Variants in GAS2 observed in about 807,000 individuals in gnomAD.
GAS2 encodes growth arrest specific 2, also known as growth arrest-specific protein 2.
In GAS2, 20 loss-of-function variants were observed where a neutral mutation model predicts 37.5. The ratio of observed to expected loss-of-function variants is 0.53; its 90% CI spans 0.37 to 0.77. GAS2 has a LOEUF of 0.77. Ranked by LOEUF, GAS2 falls within the 30% of genes least tolerant of loss-of-function variation. The pLI is 0.00. For missense variants in GAS2, 336 were observed against 373.4 expected, an observed-to-expected ratio of 0.90 and a Z score of 0.82; for synonymous variants, 144 against 132.2, an observed-to-expected ratio of 1.09 and a Z score of -0.61.
intron 3 of GAS2, among the ~76,000 whole-genome samples, chr11:22,714,733 C>T (rs923376744): frequency 6.6e-6 from 1 of 152,214 alleles, no homozygotes; most frequent in East Asian, 1.9e-4. Context: ...TATACAAATA[C>T]ATGGAAATTA....
intron 5 of GAS2, 80 bp from the exon 6 acceptor site, chr11:22,749,040 G>C (rs1853573166): frequency 7.7e-7 from 1 of 1,301,008 alleles, no homozygotes; most frequent in African/African-American, 1.5e-5. Flanking sequence ...TACTCCCATG[G>C]TGCTCATCAT....
intron 5 of GAS2, among the ~76,000 whole-genome samples, chr11:22,747,498 G>A (rs193152375): frequency 7.6e-4 from 115 of 152,250 alleles, no homozygotes; most frequent in Admixed American, 1.6e-3. Flanking sequence ...GGGCTCACTA[G>A]ACTGTTTTGT....
intron 4 of GAS2, among the ~76,000 whole-genome samples, chr11:22,734,446 A>G (rs963212111): frequency 2.0e-5 from 3 of 151,676 alleles, no homozygotes; most frequent in Admixed American, 1.3e-4. Context: ...TTATAATAGA[A>G]CCAATCTAAA....
intron 1 of GAS2, among the ~76,000 whole-genome samples, chr11:22,639,635 G>T (rs443255): frequency 0.97 from 148,085 of 152,236 alleles, 72,175 homozygotes; most frequent in East Asian, 1. Context: ...GTTTTCAGTC[G>T]TGCATCCTAT....
At chr11:22,778,837 C>A (rs894547707) in intron 7 of GAS2, among the ~76,000 whole-genome samples, 13 of 152,068 alleles carry the variant, frequency 8.5e-5, no homozygotes. Context: ...CTGTGAAATG[C>A]ATTAATATTT....
chr11:22,674,801 G>T, intron 1 of GAS2, 49 bp from the exon 2 acceptor site: 2 of 1,397,926 alleles, frequency 1.4e-6, no homozygotes, highest in South Asian at 1.4e-5. Flanking sequence ...ACAACATTTT[G>T]TGAGAGAAGT....
chr11:22,711,587 T>A (rs535305795), intron 3 of GAS2, among the ~76,000 whole-genome samples: 28 of 152,210 alleles, frequency 1.8e-4, no homozygotes, highest in African/African-American at 6.8e-4. Context: ...GCTTTCTCAA[T>A]TGGGACGCTT....
intron 4 of GAS2, among the ~76,000 whole-genome samples, chr11:22,735,267 G>GT (rs1196979054): frequency 1.4e-5 from 2 of 139,114 alleles, no homozygotes; most frequent in Non-Finnish European, 3.1e-5. Context: ...GCCAGGCTTG[G>GT]TATATTCGTA....
rs545583324 is a variant in GAS2 at position 22,732,804 on chromosome 11, AT to A, written c.410-4900del. On this transcript the variant is annotated intron_variant, in intron 4 of 7. Transcript: ENST00000454584. ...CATCATCATCATCATCATCATCATC[AT>A]CATCATCACCACCACCATTGCTATC... 6.1e-3 allele frequency among the ~76,000 whole-genome samples: 919 copies of A among 150,706 alleles called. 9 individuals are homozygous for A. Among genetic ancestry groups the A allele is most frequent in the African/African-American group, 0.021 (874 of 40,798 alleles).
chr11:22,714,086 T>G (rs1019106959), intron 3 of GAS2, among the ~76,000 whole-genome samples: 1 of 152,164 alleles, frequency 6.6e-6, no homozygotes. Flanking sequence ...AATCTCAGAA[T>G]GGATCAAAAT....
intron 3 of GAS2, among the ~76,000 whole-genome samples, chr11:22,697,349 T>C (rs1850582716): frequency 1.3e-5 from 2 of 152,184 alleles, no homozygotes; most frequent in Non-Finnish European, 2.9e-5. Flanking sequence ...TACTGTAGCC[T>C]TGTAGTATAA....
chr11:22,735,789 T>G (rs1021078154), intron 4 of GAS2, among the ~76,000 whole-genome samples: 3 of 151,880 alleles, frequency 2.0e-5, no homozygotes, highest in Admixed American at 2.0e-4. Flanking sequence ...TTGACACAAT[T>G]TAGTCAGTTA....
At chr11:22,756,874 G>T (rs1036958678) in intron 7 of GAS2, among the ~76,000 whole-genome samples, 4 of 152,140 alleles carry the variant, frequency 2.6e-5, no homozygotes, top group Non-Finnish European at 4.4e-5. Flanking sequence ...AAAGGCAGTT[G>T]TCTGAGTTGC....
At chr11:22,804,145 T>C (rs1856788712) in intron 7 of GAS2, among the ~76,000 whole-genome samples, 1 of 152,034 alleles carries the variant, frequency 6.6e-6, no homozygotes, top group African/African-American at 2.4e-5. Context: ...AGTTATAATT[T>C]GGGAAACAAA....
intron 7 of GAS2, among the ~76,000 whole-genome samples, chr11:22,769,137 C>T (rs550353654): frequency 2.6e-5 from 4 of 152,176 alleles, no homozygotes; most frequent in Non-Finnish European, 5.9e-5. Context: ...TAGGACTTAA[C>T]CTAAGGTGGT....
chr11:22,735,244 T>TTTTTTTC (rs1554976312), intron 4 of GAS2, among the ~76,000 whole-genome samples: 1 of 148,584 alleles, frequency 6.7e-6, no homozygotes, highest in African/African-American at 2.5e-5. Context: ...TTTTTTTTTT[T>TTTTTTTC]GGTCCATTAG....
chr11:22,679,082 G>A (rs4244493), intron 2 of GAS2, among the ~76,000 whole-genome samples: 84,307 of 151,772 alleles, frequency 0.56, 25,985 homozygotes, highest in East Asian at 0.76. Context: ...ACTGATTAAT[G>A]AGAACATTAT....
At chr11:22,748,423 G>A (rs1853534107) in intron 5 of GAS2, among the ~76,000 whole-genome samples, 1 of 151,990 alleles carries the variant, frequency 6.6e-6, no homozygotes, top group African/African-American at 2.4e-5. Flanking sequence ...ATGATTACAG[G>A]AGATAGTAAC....
At chr11:22,671,163 C>T (rs1363609916) in intron 1 of GAS2, among the ~76,000 whole-genome samples, 3 of 151,894 alleles carry the variant, frequency 2.0e-5, no homozygotes, top group African/African-American at 4.8e-5. Flanking sequence ...TATTTCAAGT[C>T]TCATCATATT....
Sources: allele counts gnomAD v4.1 joint callset (sites outside exome capture counted in the v4.1 genomes callset), GRCh38; gene constraint gnomAD v4.1.1; transcripts MANE v1.5; gene names NCBI Gene and HGNC (gene_info 2026-07-23, HGNC 2026-07-21).